The following GRIP1 variants were observed in gnomAD, a reference collection of about 807,000 sequenced individuals.
The protein encoded by GRIP1 is glutamate receptor interacting protein 1.
GRIP1 carries 45 observed loss-of-function variants against 129.9 expected under a neutral mutation model. The observed-to-expected ratio is 0.35, with a 90% CI of 0.27 to 0.44. GRIP1 has a LOEUF of 0.44. Ranked by LOEUF, GRIP1 falls within the 20% of genes least tolerant of loss-of-function variation. The probability of loss-of-function intolerance (pLI) is 1.00; values close to 1 mark genes in which losing one functional copy is unlikely to be tolerated. For synonymous variants in GRIP1, 530 were observed against 520.8 expected (o/e 1.02, Z -0.24); for missense variants, 1,196 against 1,396.8 (o/e 0.86, Z 2.29).
At chr12:66,738,698 C>A in intron 1 of GRIP1, among the ~76,000 whole-genome samples, 1 of 152,084 alleles carries the variant, frequency 6.6e-6, no homozygotes, top group Admixed American at 6.5e-5. Flanking sequence ...CAGTGATAGT[C>A]CAGGGGACAG....
intron 1 of GRIP1, among the ~76,000 whole-genome samples, chr12:67,058,651 G>C (rs1592527630): frequency 6.6e-6 from 1 of 152,236 alleles, no homozygotes; most frequent in Non-Finnish European, 1.5e-5. Context: ...GTGCAAGGAA[G>C]ACTAGTAGAA....
At chr12:66,811,559 C>T (rs917867978) in intron 1 of GRIP1, among the ~76,000 whole-genome samples, 1 of 151,956 alleles carries the variant, frequency 6.6e-6, no homozygotes, top group Admixed American at 6.6e-5. Flanking sequence ...TACCTAATGC[C>T]TTCTATTTCC....
At chr12:66,824,931 G>A (rs902597372) in intron 1 of GRIP1, among the ~76,000 whole-genome samples, 1 of 151,988 alleles carries the variant, frequency 6.6e-6, no homozygotes. Context: ...GGCCATTTTG[G>A]TAAAAGTTTC....
intron 1 of GRIP1, among the ~76,000 whole-genome samples, chr12:66,856,806 T>G (rs1285596634): frequency 1.3e-5 from 2 of 151,992 alleles, no homozygotes; most frequent in East Asian, 3.9e-4. Flanking sequence ...ATTGTGGAAG[T>G]CAGTGTGGTG....
Position 66,539,209 on chromosome 12 carries a change from T to A in GRIP1, c.287A>T (p.Asp96Val), listed in dbSNP as rs1248595533. 6.2e-7 allele frequency: 1 copy of A among 1,614,068 alleles called. No individual in the cohort carries two copies. Among genetic ancestry groups the A allele is most frequent in the Admixed American group, 1.7e-5 (1 of 60,006 alleles). The change falls in exon 4 of 25, where the codon GAT (aspartate) becomes GTT (valine). Residue 96 changes from aspartate to valine, a missense_variant. By Grantham distance (152) the Asp-to-Val change is radical. This residue lies in a region of GRIP1 where 217 missense variants were observed against 224.8 expected (regional missense o/e 0.97). Transcript: ENST00000359742. ...CACTGCTTTGATGTAGTCACCCACA[T>A]CCAGCTGGTCACTTCTGCAAAATAG... ...GGIAARSDQLDVGDYIKAVNG... is the reference protein window; with the variant it reads ...GGIAARSDQLVVGDYIKAVNG...
Position 66,516,212 on chromosome 12 carries a change from T to G in GRIP1, c.579-448A>C, listed in dbSNP as rs186874237. 1.3e-3 allele frequency among the ~76,000 whole-genome samples: 192 copies of G among 152,242 alleles called. 1 individual carries two copies. The highest frequency in any genetic ancestry group is 4.3e-3 in the African/African-American group (178 of 41,546). ...GGATAGGAACTGCTGGTAAGAAATC[T>G]CCCTTGTCTATAAATTTCCCTACTG... On this transcript the variant is annotated intron_variant, in intron 6 of 24. Transcript: ENST00000359742.
chr12:66,371,702 G>C lies in GRIP1; in HGVS notation c.3004C>G (p.Leu1002Val), dbSNP rs769091395. ...KEIMSPTPVELHKVTLYKDSD... is the reference protein window; with the variant it reads ...KEIMSPTPVEVHKVTLYKDSD... ...AGAGAAAGCTTACTGACCTTGTGCA[G>C]CTCCACAGGAGTTGGAGACATGATC... is the stretch of plus-strand genomic sequence containing the variant. Residue 1002 changes from leucine to valine, a missense_variant, in exon 23 of 25, where the codon CTG becomes GTG. Transcript: ENST00000359742. The C allele has an allele frequency of 2.7e-5, 43 of 1,601,354 alleles. No homozygotes were observed. The highest frequency in any genetic ancestry group is 3.4e-5 in the Non-Finnish European group (40 of 1,168,298).
At chr12:66,727,847 G>A (rs925990393) in intron 1 of GRIP1, among the ~76,000 whole-genome samples, 2 of 152,144 alleles carry the variant, frequency 1.3e-5, no homozygotes, top group African/African-American at 4.8e-5. Context: ...ATGCATATAA[G>A]TTCAGAGGAG....
chr12:66,863,776 A>C (rs1299413263), intron 1 of GRIP1, among the ~76,000 whole-genome samples: 1 of 152,116 alleles, frequency 6.6e-6, no homozygotes, highest in African/African-American at 2.4e-5. Context: ...TCCACTGCAG[A>C]TCGATAATTT....
At chr12:66,452,609 C>G (rs1043149328) in intron 11 of GRIP1, among the ~76,000 whole-genome samples, 2 of 152,128 alleles carry the variant, frequency 1.3e-5, no homozygotes, top group Admixed American at 1.3e-4. Flanking sequence ...ATCACCAATA[C>G]AGCAAAGAGA....
At chr12:66,925,913 G>A (rs2041288944) in intron 1 of GRIP1, among the ~76,000 whole-genome samples, 1 of 152,196 alleles carries the variant, frequency 6.6e-6, no homozygotes, top group East Asian at 1.9e-4. Context: ...CAAAGTGCTG[G>A]GATTATAGGC....
chr12:66,948,379 C>T (rs1313691932), intron 1 of GRIP1, among the ~76,000 whole-genome samples: 2 of 152,144 alleles, frequency 1.3e-5, no homozygotes, highest in Non-Finnish European at 2.9e-5. Flanking sequence ...CATGAATATG[C>T]TTCAGAATTC....
At chr12:66,927,827 A>G (rs367770070) in intron 1 of GRIP1, among the ~76,000 whole-genome samples, 8 of 152,318 alleles carry the variant, frequency 5.3e-5, no homozygotes, top group African/African-American at 1.2e-4. Context: ...CAGATAGCCT[A>G]CTTTTATCAT....
At chr12:66,901,984 A>G (rs1231839993) in intron 1 of GRIP1, among the ~76,000 whole-genome samples, 1 of 152,244 alleles carries the variant, frequency 6.6e-6, no homozygotes, top group Admixed American at 6.5e-5. Flanking sequence ...GATCATGTGC[A>G]TATGGGCAGA....
chr12:66,884,469 T>A (rs2040531210), intron 1 of GRIP1, among the ~76,000 whole-genome samples: 2 of 152,188 alleles, frequency 1.3e-5, no homozygotes, highest in Non-Finnish European at 2.9e-5. Context: ...AAGAGAATTG[T>A]AATACGCACG....
chr12:66,768,535 C>T (rs1237801152), intron 1 of GRIP1, among the ~76,000 whole-genome samples: 1 of 152,152 alleles, frequency 6.6e-6, no homozygotes, highest in Non-Finnish European at 1.5e-5. Context: ...AGTGGGCTCA[C>T]CAGCAGGCTG....
At chr12:66,589,136 G>C (rs11176296) in intron 2 of GRIP1, among the ~76,000 whole-genome samples, 2,530 of 151,084 alleles carry the variant, frequency 0.017, 69 homozygotes, top group African/African-American at 0.058. Context: ...CCAATACTTG[G>C]TACTTAGCAT....
chr12:66,472,637 C>A (rs554181029), intron 7 of GRIP1, among the ~76,000 whole-genome samples: 1 of 152,284 alleles, frequency 6.6e-6, no homozygotes, highest in East Asian at 1.9e-4. Flanking sequence ...GCTTATCTCA[C>A]TGGGACTGGT....
rs1592532179 is a variant in GRIP1 at position 67,062,854 on chromosome 12, C to T, written c.58+6196G>A. Among the ~76,000 whole-genome samples, 3 of 152,124 alleles carry T rather than the reference C, an allele frequency of 2.0e-5. No individual in the cohort carries two copies. The South Asian group carries it at 6.2e-4, about 32-fold the overall frequency. On this transcript the variant is annotated intron_variant, in intron 1 of 1. Coordinates refer to the GRIP1 transcript ENST00000643019. ...CTTGGCTGCATCAAGTTCTATGTTT[C>T]AGTGTAGTTTTTCACAAAACATTAG... is the stretch of plus-strand genomic sequence containing the variant.
Sources: gnomAD v4.1 joint callset for allele counts (sites outside exome capture counted in the v4.1 genomes callset) on GRCh38, gnomAD v4.1.1 for gene constraint, gnomAD v4.1.1 regional missense constraint, MANE v1.5 for transcripts, NCBI Gene and HGNC (gene_info 2026-07-23, HGNC 2026-07-21) for gene names.